The following SPOCK3 variants were observed in gnomAD, a reference collection of about 807,000 sequenced individuals.
SPOCK3 encodes the protein SPARC (osteonectin), cwcv and kazal like domains proteoglycan 3.
A neutral mutation model predicts 56.6 loss-of-function variants in SPOCK3; 30 were observed. The ratio of observed to expected loss-of-function variants is 0.53; its 90% CI spans 0.40 to 0.72. The LOEUF (loss-of-function observed/expected upper bound fraction) is 0.72. Ranked by LOEUF, SPOCK3 falls within the 30% of genes least tolerant of loss-of-function variation. SPOCK3 has a pLI of 0.00. For synonymous variants in SPOCK3, 196 were observed against 183.3 expected (o/e 1.07, Z -0.56); for missense variants, 527 against 530.0 (o/e 0.99, Z 0.06).
chr4:166,956,175 C>G (rs1371551820), intron 4 of SPOCK3, among the ~76,000 whole-genome samples: 1 of 151,810 alleles, frequency 6.6e-6, no homozygotes, highest in Non-Finnish European at 1.5e-5. Context: ...GTGCCAAGCC[C>G]CCCAGTAGAT....
intron 2 of SPOCK3, among the ~76,000 whole-genome samples, chr4:167,136,601 A>T (rs1051161807): frequency 6.6e-6 from 1 of 152,104 alleles, no homozygotes; most frequent in East Asian, 1.9e-4. Flanking sequence ...TTTGCTGATT[A>T]TTGTTGCAGT....
At chr4:167,090,711 C>G (rs1463351905) in intron 2 of SPOCK3, among the ~76,000 whole-genome samples, 2 of 152,100 alleles carry the variant, frequency 1.3e-5, no homozygotes, top group Non-Finnish European at 2.9e-5. Flanking sequence ...CCATGTTGGT[C>G]AGGCTGGTGT....
intron 2 of SPOCK3, among the ~76,000 whole-genome samples, chr4:167,206,893 A>G (rs1206660775): frequency 6.6e-6 from 1 of 152,060 alleles, no homozygotes; most frequent in African/African-American, 2.4e-5. Flanking sequence ...ACAACTAGAT[A>G]GGAGAATAGG....
intron 6 of SPOCK3, among the ~76,000 whole-genome samples, chr4:166,875,896 T>C (rs1733029305): frequency 6.6e-6 from 1 of 152,140 alleles, no homozygotes. Context: ...ATGTAGACAG[T>C]TTACTACTCA....
chr4:166,742,858 C>T (rs1325369553), intron 8 of SPOCK3, among the ~76,000 whole-genome samples: 1 of 152,024 alleles, frequency 6.6e-6, no homozygotes, highest in Non-Finnish European at 1.5e-5. Flanking sequence ...TATTATTACT[C>T]TTATATTTAC....
intron 2 of SPOCK3, among the ~76,000 whole-genome samples, chr4:167,128,339 A>G (rs1762451656): frequency 4.6e-5 from 7 of 152,022 alleles, no homozygotes; most frequent in Admixed American, 4.6e-4. Context: ...ATCTTACTGG[A>G]CCTCTCTGTA....
intron 2 of SPOCK3, among the ~76,000 whole-genome samples, chr4:167,224,101 AATT>A (rs1369477035): frequency 6.6e-6 from 1 of 152,116 alleles, no homozygotes; most frequent in Non-Finnish European, 1.5e-5. Flanking sequence ...AAGATTTTAA[AATT>A]ATTTCCATCA....
At chr4:167,123,986 CTG>C (rs1762081472) in intron 2 of SPOCK3, among the ~76,000 whole-genome samples, 1 of 152,056 alleles carries the variant, frequency 6.6e-6, no homozygotes, top group Non-Finnish European at 1.5e-5. Context: ...ACCTCGTGAT[CTG>C]CCTGCCTCGG....
At chr4:167,043,955 T>C (rs2150206448) in intron 3 of SPOCK3, among the ~76,000 whole-genome samples, 1 of 152,104 alleles carries the variant, frequency 6.6e-6, no homozygotes, top group East Asian at 1.9e-4. Flanking sequence ...TGGTGGCCTT[T>C]TAGGATGAGT....
rs1410325566 is a variant in SPOCK3 at position 167,205,003 on chromosome 4, A to AT, written c.189+28981dup. Among the ~76,000 whole-genome samples, 1,044 of 130,680 alleles carry AT rather than the reference A, an allele frequency of 8.0e-3. 10 individuals carry two copies. Among genetic ancestry groups the AT allele is most frequent in the East Asian group, 0.059 (268 of 4,544 alleles). 85.7% of individuals were successfully genotyped at this position (130,680 alleles called of 152,430 possible). ...GTCGTGCACAGTACCATCACCAGCTATTTTTTTTTTTGGTAGAGAAGGTGT... is the reference window on the plus strand; with the variant it reads ...GTCGTGCACAGTACCATCACCAGCTATTTTTTTTTTTTGGTAGAGAAGGTGT... On this transcript the variant is annotated intron_variant, in intron 2 of 10. Coordinates refer to ENST00000357545, the MANE Select transcript of SPOCK3 (RefSeq NM_001040159.2).
intron 8 of SPOCK3, among the ~76,000 whole-genome samples, chr4:166,746,002 C>T (rs1157220932): frequency 6.6e-6 from 1 of 152,074 alleles, no homozygotes; most frequent in African/African-American, 2.4e-5. Flanking sequence ...CCTTAGAGAC[C>T]TACAAAGAGA....
At chr4:167,019,140 C>T (rs1750929087) in intron 3 of SPOCK3, among the ~76,000 whole-genome samples, 1 of 152,032 alleles carries the variant, frequency 6.6e-6, no homozygotes, top group Admixed American at 6.6e-5. Context: ...TTGTAAAACT[C>T]AGAGCTGAGG....
chr4:167,075,186 G>C (rs1365947), intron 2 of SPOCK3, among the ~76,000 whole-genome samples: 138,897 of 151,806 alleles, frequency 0.91, 63,694 homozygotes, highest in East Asian at 0.99. Context: ...TTTTTCCAAT[G>C]GATTATGGAA....
At chr4:166,815,453 T>A (rs1744288540) in intron 6 of SPOCK3, among the ~76,000 whole-genome samples, 1 of 152,098 alleles carries the variant, frequency 6.6e-6, no homozygotes, top group Non-Finnish European at 1.5e-5. Context: ...AACACCTACA[T>A]ACATTGAATA....
intron 2 of SPOCK3, among the ~76,000 whole-genome samples, chr4:167,232,940 G>A (rs1580706040): frequency 6.6e-6 from 1 of 152,264 alleles, no homozygotes; most frequent in East Asian, 1.9e-4. Flanking sequence ...GATGAAAGAA[G>A]TTAACTCATC....
At chr4:166,868,401 G>T (rs531101847) in intron 6 of SPOCK3, among the ~76,000 whole-genome samples, 25 of 152,166 alleles carry the variant, frequency 1.6e-4, no homozygotes, top group Admixed American at 9.8e-4. Flanking sequence ...AGAGGCTATG[G>T]TGAGGTATGG....
At chr4:167,083,586 G>T (rs1306669608) in intron 2 of SPOCK3, among the ~76,000 whole-genome samples, 1 of 152,088 alleles carries the variant, frequency 6.6e-6, no homozygotes, top group Non-Finnish European at 1.5e-5. Flanking sequence ...ACTTTCAGGG[G>T]CAGGCTTAGT....
At chr4:167,097,947 G>A (rs1195748417) in intron 2 of SPOCK3, among the ~76,000 whole-genome samples, 1 of 151,944 alleles carries the variant, frequency 6.6e-6, no homozygotes, top group East Asian at 1.9e-4. Flanking sequence ...CACAAAAACA[G>A]CAAACTAAAT....
intron 4 of SPOCK3, among the ~76,000 whole-genome samples, chr4:166,995,737 G>A (rs1371316725): frequency 6.6e-6 from 1 of 151,978 alleles, no homozygotes; most frequent in African/African-American, 2.4e-5. Context: ...AGGCATTTAG[G>A]AAAGAGTTTT....
Sources: gnomAD v4.1 joint callset for allele counts (sites outside exome capture counted in the v4.1 genomes callset) on GRCh38, gnomAD v4.1.1 for gene constraint, MANE v1.5 for transcripts, NCBI Gene and HGNC (gene_info 2026-07-23, HGNC 2026-07-21) for gene names.